The following GALNTL5 variants were observed in gnomAD, a reference collection of about 807,000 sequenced individuals.
The protein encoded by GALNTL5 is inactive polypeptide N-acetylgalactosaminyltransferase-like protein 5.
In GALNTL5, 44 loss-of-function variants were observed where a neutral mutation model predicts 51.0. The observed-to-expected ratio is 0.86, with a 90% CI of 0.68 to 1.11. GALNTL5 has a LOEUF of 1.11. GALNTL5 is among the 50% of genes least tolerant of loss of function. GALNTL5 has a pLI of 0.00. For missense variants in GALNTL5, 528 were observed against 531.8 expected (o/e 0.99, Z 0.07); for synonymous variants, 192 against 182.8 (o/e 1.05, Z -0.41).
At chr7:151,971,237 T>C (rs1112401) in intron 3 of GALNTL5, among the ~76,000 whole-genome samples, 172 bp downstream of exon 3, 197 of 152,032 alleles carry the variant, frequency 1.3e-3, no homozygotes, top group African/African-American at 4.4e-3. Context: ...CAAGATTCTA[T>C]TTCAAGATTC....
chr7:151,978,678 T>C (rs1238449103), intron 3 of GALNTL5, among the ~76,000 whole-genome samples: 2 of 152,218 alleles, frequency 1.3e-5, no homozygotes, highest in Non-Finnish European at 2.9e-5. Context: ...ATCAAGTTGT[T>C]GGCAGGATTG....
chr7:151,982,700 G>A, intron 3 of GALNTL5: 1 of 458,686 alleles, frequency 2.2e-6, no homozygotes, highest in South Asian at 2.1e-5. Flanking sequence ...TATAATTTGT[G>A]TTTATACTAT....
intron 3 of GALNTL5, among the ~76,000 whole-genome samples, chr7:151,974,037 GA>G (rs2151942442): frequency 6.6e-6 from 1 of 152,266 alleles, no homozygotes; most frequent in African/African-American, 2.4e-5. Context: ...CTTCTGCCAT[GA>G]TTATAAGTTT....
intron 5 of GALNTL5, among the ~76,000 whole-genome samples, chr7:151,998,845 C>G (rs2081534762): frequency 6.7e-6 from 1 of 150,220 alleles, no homozygotes; most frequent in Admixed American, 6.7e-5. Flanking sequence ...AATGGCTAAT[C>G]ATGTGGAAAA....
chr7:152,012,964 A>G (rs1258146638), intron 7 of GALNTL5, among the ~76,000 whole-genome samples: 2 of 152,148 alleles, frequency 1.3e-5, no homozygotes, highest in Non-Finnish European at 2.9e-5. Flanking sequence ...AAACCAGTGG[A>G]CTGGATAAAG....
intron 5 of GALNTL5, among the ~76,000 whole-genome samples, chr7:152,001,439 T>C (rs2081579928): frequency 6.6e-6 from 1 of 152,170 alleles, no homozygotes; most frequent in African/African-American, 2.4e-5. Context: ...ATTTTTAGTA[T>C]GATATGAGGT....
chr7:152,015,289 T>C (rs2081793421), intron 8 of GALNTL5, among the ~76,000 whole-genome samples: 3 of 152,042 alleles, frequency 2.0e-5, no homozygotes, highest in Admixed American at 2.0e-4. Context: ...ATTCCCTCCG[T>C]TCCCACCTCC....
intron 5 of GALNTL5, among the ~76,000 whole-genome samples, chr7:152,000,541 T>C (rs1010886468): frequency 6.6e-6 from 1 of 152,190 alleles, no homozygotes; most frequent in Non-Finnish European, 1.5e-5. Flanking sequence ...CCAACAGCAC[T>C]GGACAAGTGT....
At chr7:151,985,027 C>A (rs541940496) in intron 4 of GALNTL5, among the ~76,000 whole-genome samples, 2 of 152,270 alleles carry the variant, frequency 1.3e-5, no homozygotes, top group South Asian at 4.2e-4. Context: ...GGTTGGAAGT[C>A]CGAGATGAGG....
chr7:151,977,654 A>G (rs1253152685), intron 3 of GALNTL5, among the ~76,000 whole-genome samples: 1 of 152,206 alleles, frequency 6.6e-6, no homozygotes. Context: ...TTGGGATAAT[A>G]TGATAATCAC....
chr7:151,998,765 C>CT (rs2081532240), intron 5 of GALNTL5, among the ~76,000 whole-genome samples: 1 of 113,254 alleles, frequency 8.8e-6, no homozygotes, highest in South Asian at 4.1e-4. Context: ...GAGCGAGACT[C>CT]TATCTAAAAA....
chr7:151,958,364 A>G (rs1263001607), intron 1 of GALNTL5, among the ~76,000 whole-genome samples: 1 of 152,118 alleles, frequency 6.6e-6, no homozygotes, highest in African/African-American at 2.4e-5. Context: ...GATGAGGGGG[A>G]ACATGGTGGT....
intron 8 of GALNTL5, among the ~76,000 whole-genome samples, chr7:152,018,159 T>C (rs1056829008): frequency 2.0e-5 from 3 of 152,210 alleles, no homozygotes; most frequent in African/African-American, 7.2e-5. Context: ...ATGAGAATTA[T>C]TGACATACTT....
intron 5 of GALNTL5, among the ~76,000 whole-genome samples, chr7:152,000,883 TTTTTC>T (rs1349914534): frequency 3.3e-5 from 5 of 151,690 alleles, no homozygotes; most frequent in South Asian, 4.1e-4. Context: ...TCTTTGTTTC[TTTTTC>T]TTTTCTTTTC....
chr7:151,996,884 A>T (rs1378158887), intron 5 of GALNTL5, among the ~76,000 whole-genome samples: 2 of 152,234 alleles, frequency 1.3e-5, no homozygotes, highest in Admixed American at 1.3e-4. Context: ...AAAATAAATT[A>T]TATATAATGA....
At chr7:151,986,963 G>A (rs2081366460) in intron 4 of GALNTL5, among the ~76,000 whole-genome samples, 196 bp from the exon 5 acceptor site, 1 of 152,082 alleles carries the variant, frequency 6.6e-6, no homozygotes. Context: ...CTGACCTCAA[G>A]TGATCTGCCT....
At chr7:151,973,234 A>G (rs1354200884) in intron 3 of GALNTL5, among the ~76,000 whole-genome samples, 3 of 151,858 alleles carry the variant, frequency 2.0e-5, no homozygotes, top group Non-Finnish European at 4.4e-5. Flanking sequence ...AGGCAGGTGG[A>G]TCACGAGGTC....
intron 5 of GALNTL5, among the ~76,000 whole-genome samples, chr7:151,989,504 G>A (rs1296024825): frequency 6.6e-6 from 1 of 152,032 alleles, no homozygotes; most frequent in African/African-American, 2.4e-5. Context: ...TTTCTGAATA[G>A]GTTATTTTTC....
chr7:151,991,011 T>C (rs960472324), intron 5 of GALNTL5, among the ~76,000 whole-genome samples: 2 of 152,246 alleles, frequency 1.3e-5, no homozygotes, highest in African/African-American at 4.8e-5. Context: ...ATTTTTCCTT[T>C]ATGATTTTTG....
Sources: gnomAD v4.1 joint callset for allele counts (sites outside exome capture counted in the v4.1 genomes callset) on GRCh38, gnomAD v4.1.1 for gene constraint, MANE v1.5 for transcripts, NCBI Gene and HGNC (gene_info 2026-07-23, HGNC 2026-07-21) for gene names.